Variants in ZNF469 observed in about 807,000 individuals in gnomAD.
ZNF469 encodes zinc finger protein 469.
Under a neutral mutation model 1.0 loss-of-function variants are expected in ZNF469, and 1 was observed. That is an observed-to-expected ratio of 1.00 (90% CI 0.35 to 4.73). The LOEUF (loss-of-function observed/expected upper bound fraction) is 4.73. Ranked by LOEUF, ZNF469 falls within the 30% of genes most tolerant of loss-of-function variation. ZNF469 has a pLI of 0.16. For synonymous variants in ZNF469, 2,703 were observed against 2,363.4 expected, an observed-to-expected ratio of 1.14 and a Z score of -4.17; for missense variants, 6,100 against 5,356.3, an observed-to-expected ratio of 1.14 and a Z score of -4.33.
At chr16:88,111,794 AC>A in the ZNF469 span, among the ~76,000 whole-genome samples, 1 of 151,920 alleles carries the variant, frequency 6.6e-6, no homozygotes. Context: ...CCACCATCAC[AC>A]CCAGCTAATT....
At chr16:88,353,827 C>G in the ZNF469 span, among the ~76,000 whole-genome samples, 5 of 152,302 alleles carry the variant, frequency 3.3e-5, no homozygotes, top group South Asian at 1.0e-3. Context: ...CGCCTGGGGC[C>G]TCCGGCAGCT....
chr16:88,382,149 G>C (rs569212725), upstream of ZNF469, among the ~76,000 whole-genome samples: 1 of 152,248 alleles, frequency 6.6e-6, no homozygotes, highest in South Asian at 2.1e-4. Flanking sequence ...GATGCTGCCC[G>C]TAACGCTGCA....
chr16:88,324,576 G>A, the ZNF469 span, among the ~76,000 whole-genome samples: 70 of 152,240 alleles, frequency 4.6e-4, no homozygotes, highest in Admixed American at 4.4e-3. Flanking sequence ...TTACTTAAGC[G>A]GCCGTGTACA....
the ZNF469 span, among the ~76,000 whole-genome samples, chr16:88,148,822 G>A: frequency 6.6e-6 from 1 of 152,166 alleles, no homozygotes; most frequent in African/African-American, 2.4e-5. Flanking sequence ...GCCTGAGTCC[G>A]GCATGGAGCT....
chr16:88,211,128 T>C, the ZNF469 span, among the ~76,000 whole-genome samples: 7 of 152,394 alleles, frequency 4.6e-5, no homozygotes, highest in East Asian at 1.9e-4. Flanking sequence ...GCATTCTTGA[T>C]ACATTTATCC....
At chr16:88,113,518 C>T in the ZNF469 span, among the ~76,000 whole-genome samples, 7 of 152,170 alleles carry the variant, frequency 4.6e-5, no homozygotes, top group Admixed American at 1.3e-4. Flanking sequence ...GCCCTGTGGA[C>T]GCAGGACGTG....
At chr16:88,119,975 G>A in the ZNF469 span, among the ~76,000 whole-genome samples, 106 of 152,304 alleles carry the variant, frequency 7.0e-4, no homozygotes, top group Middle Eastern at 3.4e-3. Context: ...CTCTGCCGCC[G>A]CCGTGCGTGC....
the ZNF469 span, among the ~76,000 whole-genome samples, chr16:88,332,388 G>T: frequency 2.6e-5 from 4 of 152,226 alleles, no homozygotes; most frequent in African/African-American, 9.6e-5. Context: ...AACCCATGAT[G>T]TGCCGTCACC....
the ZNF469 span, among the ~76,000 whole-genome samples, chr16:88,181,028 T>G: frequency 6.6e-6 from 1 of 152,142 alleles, no homozygotes; most frequent in Non-Finnish European, 1.5e-5. Flanking sequence ...AATTGATTGA[T>G]TTGACATTTA....
the ZNF469 span, among the ~76,000 whole-genome samples, chr16:88,139,918 C>T: frequency 1.2e-4 from 19 of 152,258 alleles, no homozygotes; most frequent in African/African-American, 4.1e-4. Context: ...GCCCAGCATT[C>T]GTGAGACAGT....
At chr16:88,371,871 C>T in the ZNF469 span, among the ~76,000 whole-genome samples, 75,867 of 149,454 alleles carry the variant, frequency 0.51, 20,945 homozygotes, top group Non-Finnish European at 0.63. Flanking sequence ...TCACCATCAT[C>T]GTCACCATCA....
At chr16:88,253,285 G>A in the ZNF469 span, among the ~76,000 whole-genome samples, 3 of 152,168 alleles carry the variant, frequency 2.0e-5, no homozygotes, top group Non-Finnish European at 2.9e-5. Flanking sequence ...AGAAACCCTC[G>A]CAGAGATTTC....
At chr16:88,216,243 C>G in the ZNF469 span, among the ~76,000 whole-genome samples, 1 of 152,146 alleles carries the variant, frequency 6.6e-6, no homozygotes, top group Non-Finnish European at 1.5e-5. Flanking sequence ...CGGCTGTAAT[C>G]CCAGCACTTT....
At chr16:88,357,509 C>A in the ZNF469 span, among the ~76,000 whole-genome samples, 2 of 152,158 alleles carry the variant, frequency 1.3e-5, no homozygotes, top group African/African-American at 4.8e-5. Context: ...GTGGCATCAG[C>A]CAGGAAGTAG....
upstream of ZNF469, among the ~76,000 whole-genome samples, chr16:88,382,918 G>T (rs1187833175): frequency 6.6e-6 from 1 of 151,454 alleles, no homozygotes; most frequent in Non-Finnish European, 1.5e-5. Flanking sequence ...GTGCGGGGGC[G>T]GCGGAGTCTG....
At chr16:88,231,563 G>A in the ZNF469 span, among the ~76,000 whole-genome samples, 3 of 152,144 alleles carry the variant, frequency 2.0e-5, no homozygotes, top group African/African-American at 7.2e-5. This position sits in a 1 kb window ranked among gnomAD's most constrained non-coding sequence, Gnocchi z 4.5. Flanking sequence ...CTCCAGGGGA[G>A]GGTCCTTTTC....
At chr16:88,112,705 G>C in the ZNF469 span, among the ~76,000 whole-genome samples, 66 of 147,762 alleles carry the variant, frequency 4.5e-4, no homozygotes, top group African/African-American at 1.6e-3. Flanking sequence ...TGAGTAGTCT[G>C]AAAATATTTC....
At chr16:88,151,568 T>C in the ZNF469 span, among the ~76,000 whole-genome samples, 242 of 152,348 alleles carry the variant, frequency 1.6e-3, 1 homozygote, top group African/African-American at 5.1e-3. This position sits in a 1 kb window ranked among gnomAD's most constrained non-coding sequence, Gnocchi z 5.4. Context: ...CTGCAGTCCT[T>C]TGCTGTTAAT....
chr16:88,404,811 G>A (rs1904981655), intron 1 of ZNF469, among the ~76,000 whole-genome samples: 1 of 152,186 alleles, frequency 6.6e-6, no homozygotes, highest in Non-Finnish European at 1.5e-5. Flanking sequence ...AGCAGACCCA[G>A]GACAAAATCG....
Sources: allele counts gnomAD v4.1 joint callset (sites outside exome capture counted in the v4.1 genomes callset), GRCh38; gene constraint gnomAD v4.1.1; non-coding constraint Gnocchi (gnomAD v3.1); transcripts MANE v1.5; gene names NCBI Gene and HGNC (gene_info 2026-07-23, HGNC 2026-07-21).